ZFC3H1: variants seen among roughly 807,000 people sequenced by gnomAD.
The protein encoded by ZFC3H1 is zinc finger C3H1 domain-containing protein.
Under a neutral mutation model 243.7 loss-of-function variants are expected in ZFC3H1, and 71 were observed. That is an observed-to-expected ratio of 0.29 (90% CI 0.24 to 0.36). The LOEUF is 0.36. Among genes scored for constraint, ZFC3H1 ranks in the 10% least tolerant of loss-of-function variants. ZFC3H1 has a pLI of 1.00. For missense variants in ZFC3H1, 1,966 were observed against 2,317.1 expected, an observed-to-expected ratio of 0.85 and a Z score of 3.11; for synonymous variants, 838 against 813.0, an observed-to-expected ratio of 1.03 and a Z score of -0.52.
intron 23 of ZFC3H1, 35 bp from the exon 24 acceptor site, chr12:71,623,632 T>TA: frequency 6.8e-7 from 1 of 1,461,616 alleles, no homozygotes; most frequent in Non-Finnish European, 9.3e-7. Flanking sequence ...ATAAAAAAAT[T>TA]AGAGATGTCA....
rs546891999 is a variant in ZFC3H1 at position 71,661,086 on chromosome 12, G to A, written c.598+1927C>T. On this transcript the variant is annotated intron_variant, in intron 1 of 34. Coordinates refer to ENST00000378743, the MANE Select transcript of ZFC3H1 (RefSeq NM_144982.5). ...TGGGAGGCCGAGGTGGGCGGATCAC[G>A]GAGTCAGGAGATCGAGACCATCCTG... 2.6e-4 allele frequency among the ~76,000 whole-genome samples: 40 copies of A among 152,096 alleles called. 1 individual carries two copies. The highest frequency in any genetic ancestry group is 5.8e-4 in the East Asian group (3 of 5,170).
rs766223012 is a variant in ZFC3H1, at chr12:71,663,655, G to C, written c.-45C>G. The C allele has an allele frequency of 9.6e-6, 15 of 1,570,080 alleles. No individual in the cohort carries two copies. The highest frequency in any genetic ancestry group is 1.0e-5 in the Non-Finnish European group (12 of 1,159,824). On this transcript the variant is annotated 5_prime_UTR_variant, in exon 1 of 35. It adds an upstream start codon to the 5' untranslated region. Transcript: ENST00000378743. Reference sequence around the variant, plus strand: ...ACACAACCTTAGCCCTCCGTCCGGGGATCCGCCCGACAATTGCCTCGTTTC... The same window carrying C: ...ACACAACCTTAGCCCTCCGTCCGGGCATCCGCCCGACAATTGCCTCGTTTC...
rs377236848 is a variant in ZFC3H1 at position 71,638,452 on chromosome 12, G to A, written c.1691C>T (p.Pro564Leu). Reference sequence around the variant, plus strand: ...AGGTGGTGGAGGCAAAGAAAGAGATGGTGCTGGAGAAAAATACCCCAATGA... The same window carrying A: ...AGGTGGTGGAGGCAAAGAAAGAGATAGTGCTGGAGAAAAATACCCCAATGA... Reference protein sequence around the residue: ...ECSLGYFSPAPSLSLPPPPQV... With the variant: ...ECSLGYFSPALSLSLPPPPQV... Residue 564 changes from proline to leucine, a missense_variant, in exon 7 of 35, where the codon CCA (proline) becomes CTA (leucine). Physicochemically the swap from Pro to Leu is moderately conservative, Grantham distance 98. Coordinates refer to ENST00000378743, the MANE Select transcript of ZFC3H1 (RefSeq NM_144982.5). 5.4e-5 allele frequency: 87 copies of A among 1,612,686 alleles called. No homozygotes were observed. Among genetic ancestry groups the A allele is most frequent in the Non-Finnish European group, 7.3e-5 (86 of 1,179,542 alleles).
At chr12:71,621,181 G>A (rs1047338361) in intron 24 of ZFC3H1, among the ~76,000 whole-genome samples, 1 of 152,026 alleles carries the variant, frequency 6.6e-6, no homozygotes, top group Non-Finnish European at 1.5e-5. Flanking sequence ...CTCAACTACT[G>A]CATAATTTAC....
chr12:71,637,076 G>A lies in ZFC3H1; in HGVS notation c.1726-17C>T, dbSNP rs1212889699. The A allele has an allele frequency of 1.3e-6, 2 of 1,595,762 alleles. No homozygotes were observed. Among genetic ancestry groups the A allele is most frequent in the South Asian group, 2.3e-5 (2 of 87,844 alleles). ...TGGCAGAGACTATTTTTTAAAAAAAGAAAGAATTACAACGCAAATTTTATC... is the reference window on the plus strand; with the variant it reads ...TGGCAGAGACTATTTTTTAAAAAAAAAAAGAATTACAACGCAAATTTTATC... On this transcript the variant is annotated splice_polypyrimidine_tract_variant and intron_variant, in intron 7 of 34. Transcript: ENST00000378743.
intron 16 of ZFC3H1, 33 bp downstream of exon 16, chr12:71,631,738 AAATCCTG>A: frequency 6.6e-7 from 1 of 1,507,188 alleles, no homozygotes; most frequent in Middle Eastern, 1.8e-4. Flanking sequence ...AACCAAACAG[AAATCCTG>A]AAATTCAAGC....
At chr12:71,614,399 A>G in intron 30 of ZFC3H1, 136 bp downstream of exon 30, 1 of 749,740 alleles carries the variant, frequency 1.3e-6, no homozygotes, top group Non-Finnish European at 1.9e-6. Flanking sequence ...TAAGAAACAT[A>G]GTCAAGAATA....
At chr12:71,662,901 G>A (rs986549983) in intron 1 of ZFC3H1, 112 bp downstream of exon 1, 2 of 1,070,120 alleles carry the variant, frequency 1.9e-6, no homozygotes, top group Non-Finnish European at 1.4e-6. Flanking sequence ...CTGACACAGG[G>A]AGAAATAAGC....
intron 2 of ZFC3H1, among the ~76,000 whole-genome samples, chr12:71,652,459 T>C (rs757804275): frequency 6.6e-6 from 1 of 152,186 alleles, no homozygotes; most frequent in Non-Finnish European, 1.5e-5. Context: ...CCGTTATCTC[T>C]CACACTGCAC....
In ZFC3H1 at chr12:71,644,308, T is replaced by A; in HGVS notation, c.1290A>T (p.Ala430=). 2.5e-6 allele frequency: 4 copies of A among 1,612,720 alleles called. No individual in the cohort carries two copies. Among genetic ancestry groups the A allele is most frequent in the Non-Finnish European group, 2.5e-6 (3 of 1,179,750 alleles). Residue 430 remains alanine, a synonymous_variant, in exon 5 of 35, where the codon GCA becomes GCT. Coordinates refer to ENST00000378743, the MANE Select transcript of ZFC3H1 (RefSeq NM_144982.5). The part of the protein sequence containing the change: ...AKKVSTTAKQ[A]LRKQQTKAWK... ...ATGCCTTTGTTTGCTGCTTCCTCAATGCTTGTTTAGCTTTAAATAAAAAAC... is the reference window on the plus strand; with the variant it reads ...ATGCCTTTGTTTGCTGCTTCCTCAAAGCTTGTTTAGCTTTAAATAAAAAAC...
intron 9 of ZFC3H1, among the ~76,000 whole-genome samples, chr12:71,635,792 C>T (rs1880444292): frequency 6.6e-6 from 1 of 151,868 alleles, no homozygotes; most frequent in Non-Finnish European, 1.5e-5. Flanking sequence ...TCTATAATTA[C>T]TCTCATTAAA....
At chr12:71,613,771 C>G in intron 30 of ZFC3H1, 1 of 170,902 alleles carries the variant, frequency 5.9e-6, no homozygotes. Context: ...ATGGAATGCC[C>G]GTGTGTAAAT....
chr12:71,617,347 T>C (rs557361737), intron 27 of ZFC3H1, among the ~76,000 whole-genome samples: 2 of 152,356 alleles, frequency 1.3e-5, no homozygotes, highest in African/African-American at 2.4e-5. Context: ...AGTTTCACTA[T>C]TGTCTAAATA....
rs1287748498 is a variant in ZFC3H1 at position 71,633,352 on chromosome 12, G to A, written c.2597C>T (p.Ala866Val). The A allele has an allele frequency of 1.2e-6, 2 of 1,601,680 alleles. No homozygotes were observed. The highest frequency in any genetic ancestry group is 1.7e-6 in the Non-Finnish European group (2 of 1,173,910). The change falls in exon 13 of 35, where the codon GCA (alanine) becomes GTA (valine). Residue 866 changes from alanine (A) to valine (V), a missense_variant. By Grantham distance (64) the Ala-to-Val change is moderately conservative. Around this residue, in one of 4 missense-constraint regions of ZFC3H1, gnomAD observed 1,383 missense variants for 1,723.7 expected, o/e 0.80. Transcript: ENST00000378743. ...KKKESVRNAE[A>V]KITKLTEQLQ... ...CTGTTCTGTAAGTTTTGTAATCTTTGCTTCAGCATTTCTAACAGATTCTTT... is the reference window on the plus strand; with the variant it reads ...CTGTTCTGTAAGTTTTGTAATCTTTACTTCAGCATTTCTAACAGATTCTTT...
At position 71,631,819 on chromosome 12, in the gene ZFC3H1, A is replaced by G. The variant is rs888821987; in HGVS notation, c.3429T>C (p.Phe1143=). 1 of 1,613,770 alleles carries G rather than the reference A, an allele frequency of 6.2e-7. No homozygotes were observed. The highest frequency in any genetic ancestry group is 8.5e-7 in the Non-Finnish European group (1 of 1,179,772). The change falls in exon 16 of 35, where the codon TTT becomes TTC. Residue 1143 remains phenylalanine, a synonymous_variant. Transcript: ENST00000378743. ...CTAGAAGAGGACTATGGTAGGGTCT[A>G]AAAGGACATGGCTTCACTTCCATTG... The part of the protein sequence containing the change: ...SKTMEVKPCP[F]RPYHSPLLVF...
chr12:71,658,256 C>T (rs1379585661), intron 1 of ZFC3H1, among the ~76,000 whole-genome samples: 2 of 150,322 alleles, frequency 1.3e-5, no homozygotes, highest in Non-Finnish European at 3.0e-5. Flanking sequence ...ACAGTACCTC[C>T]TGTGGTTTTA....
chr12:71,663,292 T>C lies in ZFC3H1; in HGVS notation c.319A>G (p.Lys107Glu), dbSNP rs545838078. 1 of 1,613,478 alleles carries C rather than the reference T, an allele frequency of 6.2e-7. No individual in the cohort carries two copies. Among genetic ancestry groups the C allele is most frequent in the East Asian group, 2.2e-5 (1 of 44,876 alleles). Residue 107 changes from lysine to glutamate, a missense_variant, in exon 1 of 35, where the codon AAA (lysine) becomes GAA (glutamate). Transcript: ENST00000378743. ...HLRGPSSYRP[K>E]EPFRSHPPSV... ...GGCGGATGAGACCGGAACGGTTCTT[T>C]GGGTCGGTAGCTGCTGGGTCCCCTG...
intron 17 of ZFC3H1, 47 bp downstream of exon 17, chr12:71,630,776 A>C: frequency 6.2e-7 from 1 of 1,609,040 alleles, no homozygotes; most frequent in Non-Finnish European, 8.5e-7. Context: ...AAGTTAAGCA[A>C]ACAAGACCAT....
chr12:71,623,643 G>A, intron 23 of ZFC3H1, 46 bp from the exon 24 acceptor site: 1 of 1,333,866 alleles, frequency 7.5e-7, no homozygotes, highest in Non-Finnish European at 1.0e-6. Context: ...AGAGATGTCA[G>A]TACCAGATTA....
Sources: allele counts gnomAD v4.1 joint callset (sites outside exome capture counted in the v4.1 genomes callset), GRCh38; gene constraint gnomAD v4.1.1; regional missense constraint gnomAD v4.1.1; transcripts MANE v1.5; gene names NCBI Gene and HGNC (gene_info 2026-07-23, HGNC 2026-07-21).